PHF24: variants seen among roughly 807,000 people sequenced by gnomAD.
PHF24 encodes the protein PHD finger protein 24, also known as Galpha inhibitory interacting protein.
PHF24 carries 25 observed loss-of-function variants against 42.6 expected under a neutral mutation model. The observed-to-expected ratio is 0.59, with a 90% CI of 0.43 to 0.82. The LOEUF (loss-of-function observed/expected upper bound fraction) is 0.82, where lower values mean the gene tolerates loss of function less well. Among genes scored for constraint, PHF24 ranks in the 40% least tolerant of loss-of-function variants. The probability of loss-of-function intolerance (pLI) is 0.00; values close to 1 mark genes in which losing one functional copy is unlikely to be tolerated. For missense variants in PHF24, 470 were observed against 538.1 expected (o/e 0.87, Z 1.25); for synonymous variants, 185 against 204.8 (o/e 0.90, Z 0.83).
the PHF24 span, among the ~76,000 whole-genome samples, chr9:34,845,079 G>A: frequency 1.3e-5 from 2 of 152,024 alleles, no homozygotes; most frequent in Non-Finnish European, 2.9e-5. Flanking sequence ...ATTATATAAT[G>A]ACCTTCTTTG....
the PHF24 span, among the ~76,000 whole-genome samples, chr9:34,739,513 A>G: frequency 5.9e-5 from 9 of 152,188 alleles, no homozygotes; most frequent in African/African-American, 2.2e-4. Flanking sequence ...ACTGACTTCA[A>G]GAATGAAGCC....
the PHF24 span, among the ~76,000 whole-genome samples, chr9:34,773,854 A>G: frequency 6.6e-6 from 1 of 152,318 alleles, no homozygotes; most frequent in South Asian, 2.1e-4. Flanking sequence ...AGGCAAGAGG[A>G]ACCTGAGGAT....
chr9:34,785,182 C>G, the PHF24 span, among the ~76,000 whole-genome samples: 1 of 152,192 alleles, frequency 6.6e-6, no homozygotes, highest in Non-Finnish European at 1.5e-5. Context: ...GCTGTTCTTT[C>G]TGTATCCAAG....
the PHF24 span, among the ~76,000 whole-genome samples, chr9:34,783,062 T>C: frequency 3.3e-5 from 5 of 152,326 alleles, no homozygotes; most frequent in East Asian, 3.9e-4. Context: ...GAATTCCCAA[T>C]TGATCCTCAT....
the PHF24 span, among the ~76,000 whole-genome samples, chr9:34,879,185 C>T: frequency 6.6e-6 from 1 of 152,150 alleles, no homozygotes. Context: ...GAAAGAACAT[C>T]CACACCAAAA....
intron 1 of PHF24, among the ~76,000 whole-genome samples, chr9:34,962,327 T>TA (rs1212581183): frequency 6.6e-6 from 1 of 151,904 alleles, no homozygotes; most frequent in African/African-American, 2.4e-5. Flanking sequence ...CTCCATGCCT[T>TA]GGCATGTGCT....
chr9:34,683,412 T>G, the PHF24 span, among the ~76,000 whole-genome samples: 1 of 152,234 alleles, frequency 6.6e-6, no homozygotes, highest in African/African-American at 2.4e-5. Context: ...TTGAGAATTC[T>G]TGAACTCCTT....
the PHF24 span, among the ~76,000 whole-genome samples, chr9:34,755,183 T>C: frequency 6.6e-6 from 1 of 152,160 alleles, no homozygotes; most frequent in Non-Finnish European, 1.5e-5. Context: ...TTTAATTGTA[T>C]ATTTAAAAGT....
chr9:34,789,791 A>G, the PHF24 span, among the ~76,000 whole-genome samples: 1 of 152,246 alleles, frequency 6.6e-6, no homozygotes, highest in African/African-American at 2.4e-5. Context: ...TGCGTGCCAT[A>G]GTCAACTATG....
At chr9:34,948,026 G>A in the PHF24 span, among the ~76,000 whole-genome samples, 3,471 of 151,448 alleles carry the variant, frequency 0.023, 130 homozygotes, top group African/African-American at 0.08. Flanking sequence ...GGAGAATGGC[G>A]TGAACCCGGG....
chr9:34,737,985 C>T, the PHF24 span, among the ~76,000 whole-genome samples: 2 of 150,396 alleles, frequency 1.3e-5, no homozygotes, highest in Non-Finnish European at 3.0e-5. Context: ...AGGATACGTG[C>T]CCTTGAATCC....
At chr9:34,835,873 G>C in the PHF24 span, 1 of 1,093,560 alleles carries the variant, frequency 9.1e-7, no homozygotes, top group Non-Finnish European at 1.4e-6. Context: ...ACTAGACAGA[G>C]ACAAGATCTC....
the PHF24 span, among the ~76,000 whole-genome samples, chr9:34,710,642 A>AAT: frequency 6.8e-6 from 1 of 147,038 alleles, no homozygotes; most frequent in Admixed American, 6.7e-5. Context: ...TGATTTTTCT[A>AAT]TTTTTTTTTT....
chr9:34,917,771 T>C, the PHF24 span: 3 of 1,007,382 alleles, frequency 3.0e-6, no homozygotes, highest in Non-Finnish European at 3.2e-6. Flanking sequence ...CAATCATGCC[T>C]CCCCAGTGAG....
At chr9:34,711,897 A>T in the PHF24 span, among the ~76,000 whole-genome samples, 2 of 152,040 alleles carry the variant, frequency 1.3e-5, no homozygotes, top group Admixed American at 1.3e-4. Context: ...GCTGTGAGTT[A>T]TTATTTTTTG....
chr9:34,675,473 C>T, the PHF24 span, among the ~76,000 whole-genome samples: 4 of 152,290 alleles, frequency 2.6e-5, no homozygotes, highest in Admixed American at 6.5e-5. Flanking sequence ...TATCCTTTTG[C>T]AAATCCTCTA....
the PHF24 span, among the ~76,000 whole-genome samples, chr9:34,909,956 C>T: frequency 6.6e-6 from 1 of 152,190 alleles, no homozygotes; most frequent in Non-Finnish European, 1.5e-5. Context: ...GGTTTTTCAT[C>T]TTGCCTGATT....
the PHF24 span, among the ~76,000 whole-genome samples, chr9:34,716,938 A>C: frequency 1.3e-5 from 2 of 152,032 alleles, no homozygotes; most frequent in African/African-American, 4.8e-5. Flanking sequence ...TAGTCTGGAG[A>C]GGGACTTACG....
the PHF24 span, among the ~76,000 whole-genome samples, chr9:34,812,619 G>A: frequency 6.6e-6 from 1 of 152,188 alleles, no homozygotes; most frequent in Admixed American, 6.5e-5. Context: ...GACTGGATAT[G>A]ATGAGCTTGT....
Sources: gnomAD v4.1 joint callset for allele counts (sites outside exome capture counted in the v4.1 genomes callset) on GRCh38, gnomAD v4.1.1 for gene constraint, MANE v1.5 for transcripts, NCBI Gene and HGNC (gene_info 2026-07-23, HGNC 2026-07-21) for gene names.